The following FSTL4 variants were observed in gnomAD, a reference collection of about 807,000 sequenced individuals.
FSTL4 encodes the protein follistatin-related protein 4.
FSTL4 carries 28 observed loss-of-function variants against 78.2 expected under a neutral mutation model. That is an observed-to-expected ratio of 0.36 (90% CI 0.27 to 0.49). The LOEUF (loss-of-function observed/expected upper bound fraction) is 0.49, where lower values mean the gene tolerates loss of function less well. FSTL4 is among the 20% of genes least tolerant of loss of function. FSTL4 has a pLI of 0.98. For missense variants in FSTL4, 922 were observed against 1,084.9 expected (o/e 0.85, Z 2.11); for synonymous variants, 422 against 440.5 (o/e 0.96, Z 0.53).
At chr5:133,287,731 G>A (rs13155634) in intron 6 of FSTL4, among the ~76,000 whole-genome samples, 48,190 of 152,148 alleles carry the variant, frequency 0.32, 8,712 homozygotes, top group Middle Eastern at 0.52. Context: ...TAGGATGACA[G>A]CAGTGCCGTT....
At chr5:133,655,022 A>T in the FSTL4 span, among the ~76,000 whole-genome samples, 33,232 of 152,148 alleles carry the variant, frequency 0.22, 3,861 homozygotes, top group Admixed American at 0.29. Flanking sequence ...AATATCCAAC[A>T]GGATACCAAC....
At chr5:133,303,363 G>T (rs1753590893) in intron 6 of FSTL4, among the ~76,000 whole-genome samples, 2 of 152,340 alleles carry the variant, frequency 1.3e-5, no homozygotes, top group East Asian at 1.9e-4. Context: ...TCTTCTGGGG[G>T]TTTCCAGCTC....
chr5:133,510,446 A>G (rs1393135514), intron 3 of FSTL4, among the ~76,000 whole-genome samples: 2 of 152,166 alleles, frequency 1.3e-5, no homozygotes, highest in Non-Finnish European at 1.5e-5. Context: ...GCTAAAGCTC[A>G]TGTTGTCCAG....
chr5:133,537,363 C>T (rs569462397), intron 3 of FSTL4, among the ~76,000 whole-genome samples: 197 of 152,000 alleles, frequency 1.3e-3, no homozygotes, highest in Non-Finnish European at 1.9e-3. Flanking sequence ...TTTTTGATGC[C>T]AGTAGTGGTA....
the FSTL4 span, among the ~76,000 whole-genome samples, chr5:133,718,092 G>T: frequency 6.6e-6 from 1 of 150,434 alleles, no homozygotes; most frequent in Admixed American, 6.6e-5. Flanking sequence ...TTGTTTTTTG[G>T]TTTTTGGTTT....
intron 14 of FSTL4, among the ~76,000 whole-genome samples, chr5:133,205,272 G>T (rs1478105104): frequency 6.6e-6 from 1 of 151,958 alleles, no homozygotes; most frequent in Non-Finnish European, 1.5e-5. Flanking sequence ...CAATTTGTTG[G>T]TGTTATGAAT....
chr5:133,733,275 C>G, the FSTL4 span, among the ~76,000 whole-genome samples: 1 of 152,150 alleles, frequency 6.6e-6, no homozygotes, highest in African/African-American at 2.4e-5. Context: ...TACATGCTTG[C>G]AATGTAGGTA....
At chr5:133,348,867 A>G (rs1384088261) in intron 4 of FSTL4, among the ~76,000 whole-genome samples, 2 of 152,236 alleles carry the variant, frequency 1.3e-5, no homozygotes, top group African/African-American at 4.8e-5. Context: ...CCTGGAACAG[A>G]GAAACTGCCT....
Position 133,611,568 on chromosome 5 carries a change from C to T in FSTL4, c.-11+757G>A, listed in dbSNP as rs566361749. ...AGTGCAAGCTCTCTTAGGACCAAGC[C>T]CCCAGCCCGAACGCTGAACGCCCCC... is the stretch of plus-strand genomic sequence containing the variant. On this transcript the variant is annotated intron_variant, in intron 1 of 15. Coordinates refer to ENST00000265342, the MANE Select transcript of FSTL4 (RefSeq NM_015082.2). This position sits in a 1 kb window ranked among gnomAD's most constrained non-coding sequence, Gnocchi z 4.9. Among the ~76,000 whole-genome samples the T allele has an allele frequency of 1.6e-4, 25 of 152,302 alleles. No individual in the cohort carries two copies. Among genetic ancestry groups the T allele is most frequent in the African/African-American group, 6.0e-4 (25 of 41,578 alleles).
At chr5:133,314,426 G>A (rs1437674778) in intron 5 of FSTL4, among the ~76,000 whole-genome samples, 2 of 152,244 alleles carry the variant, frequency 1.3e-5, no homozygotes, top group African/African-American at 2.4e-5. Context: ...ACAGAGCAGA[G>A]TCATCTGAGA....
At chr5:133,577,305 T>G (rs114732391) in intron 2 of FSTL4, among the ~76,000 whole-genome samples, 1 of 152,130 alleles carries the variant, frequency 6.6e-6, no homozygotes, top group Non-Finnish European at 1.5e-5. Context: ...CAAGTGCTCA[T>G]GAAAAACACC....
rs115981515 is a variant in FSTL4 at position 133,571,197 on chromosome 5, G to A, written c.127-3978C>T. Among the ~76,000 whole-genome samples the A allele has an allele frequency of 2.8e-3, 431 of 152,032 alleles. 2 individuals carry two copies. Among genetic ancestry groups the A allele is most frequent in the African/African-American group, 9.6e-3 (400 of 41,476 alleles). ...AAATTAGGCTTTCCAAGAAATAGTC[G>A]CCCTGACAAATGCAGCAGACTTACT... On this transcript the variant is annotated intron_variant, in intron 2 of 15. Coordinates refer to ENST00000265342, the MANE Select transcript of FSTL4 (RefSeq NM_015082.2).
chr5:133,633,795 T>C, the FSTL4 span, among the ~76,000 whole-genome samples: 3 of 152,122 alleles, frequency 2.0e-5, no homozygotes, highest in Non-Finnish European at 4.4e-5. Flanking sequence ...GACAAAGGTG[T>C]CATCTGTTAC....
At chr5:133,650,429 T>C in the FSTL4 span, among the ~76,000 whole-genome samples, 1 of 152,240 alleles carries the variant, frequency 6.6e-6, no homozygotes, top group South Asian at 2.1e-4. Flanking sequence ...ATTTTATAAA[T>C]TTGCATTTTA....
upstream of FSTL4, among the ~76,000 whole-genome samples, chr5:133,616,937 C>T (rs1281340254): frequency 6.6e-6 from 1 of 152,098 alleles, no homozygotes; most frequent in Non-Finnish European, 1.5e-5. Flanking sequence ...GCCCTATTAA[C>T]TGTTCCATGC....
chr5:133,818,980 C>A, the FSTL4 span, among the ~76,000 whole-genome samples: 15 of 118,430 alleles, frequency 1.3e-4, no homozygotes, highest in African/African-American at 5.0e-4. Flanking sequence ...TGCACACACA[C>A]ACAATTTCCA....
intron 2 of FSTL4, among the ~76,000 whole-genome samples, chr5:133,592,743 C>T (rs1760657601): frequency 6.6e-6 from 1 of 152,016 alleles, no homozygotes; most frequent in Non-Finnish European, 1.5e-5. Flanking sequence ...CTCACTCTCA[C>T]CTTGCTTGCT....
At chr5:133,270,534 G>T (rs1752745579) in intron 6 of FSTL4, among the ~76,000 whole-genome samples, 1 of 152,152 alleles carries the variant, frequency 6.6e-6, no homozygotes, top group Non-Finnish European at 1.5e-5. Context: ...ATACATTCCG[G>T]ACTAAATTTG....
chr5:133,524,252 C>T (rs551291294), intron 3 of FSTL4, among the ~76,000 whole-genome samples: 18 of 152,260 alleles, frequency 1.2e-4, no homozygotes, highest in African/African-American at 4.1e-4. Context: ...CACACAAGCC[C>T]TTGGAGGCCT....
Sources: gnomAD v4.1 joint callset for allele counts (sites outside exome capture counted in the v4.1 genomes callset) on GRCh38, gnomAD v4.1.1 for gene constraint, Gnocchi (gnomAD v3.1) non-coding constraint, MANE v1.5 for transcripts, NCBI Gene and HGNC (gene_info 2026-07-23, HGNC 2026-07-21) for gene names.